Variants in DISC1 observed in about 807,000 individuals in gnomAD.
DISC1 encodes DISC1 scaffold protein.
A neutral mutation model predicts 84.5 loss-of-function variants in DISC1; 57 were observed. The observed-to-expected ratio is 0.67, with a 90% CI of 0.55 to 0.84. DISC1 has a LOEUF of 0.84. Among genes scored for constraint, DISC1 ranks in the 40% least tolerant of loss-of-function variants. DISC1 has a pLI of 0.00. For missense variants in DISC1, 1,000 were observed against 1,057.8 expected (o/e 0.95, Z 0.76); for synonymous variants, 411 against 415.2 (o/e 0.99, Z 0.12).
chr1:231,871,338 C>T (rs1212911316), intron 9 of DISC1, among the ~76,000 whole-genome samples: 1 of 152,170 alleles, frequency 6.6e-6, no homozygotes, highest in African/African-American at 2.4e-5. Context: ...GAAGGGGACC[C>T]ACTCTGGGCA....
chr1:231,762,185 TTTTC>T (rs576561004), intron 4 of DISC1, among the ~76,000 whole-genome samples: 44,350 of 100,310 alleles, frequency 0.44, 7,742 homozygotes, highest in Middle Eastern at 0.5. Flanking sequence ...TCCTTCCTTC[TTTTC>T]TTTCTTTTCT....
chr1:231,915,002 G>A lies in DISC1; in HGVS notation c.1982-43826G>A, dbSNP rs202047947. Among the ~76,000 whole-genome samples, 22 of 152,300 alleles carry A rather than the reference G, an allele frequency of 1.4e-4. 1 individual carries two copies. Among genetic ancestry groups the A allele is most frequent in the South Asian group, 4.1e-4 (2 of 4,828 alleles). On this transcript the variant is annotated intron_variant, in intron 9 of 12. Coordinates refer to ENST00000439617, the MANE Select transcript of DISC1 (RefSeq NM_018662.3). The stretch of plus-strand genomic sequence containing the variant: ...GAGTTGGTAGTTGAAAAGCATTTAT[G>A]TTCTTTCTAGTGAGGTTGTTTTGTT...
At chr1:231,947,879 A>T (rs1460872127) in intron 9 of DISC1, among the ~76,000 whole-genome samples, 2 of 152,258 alleles carry the variant, frequency 1.3e-5, no homozygotes, top group Non-Finnish European at 2.9e-5. Context: ...ACTGGTCACT[A>T]GAAAAATGCA....
At chr1:231,775,767 C>A (rs1252138142) in intron 6 of DISC1, among the ~76,000 whole-genome samples, 3 of 152,112 alleles carry the variant, frequency 2.0e-5, no homozygotes, top group African/African-American at 7.2e-5. Flanking sequence ...AAAACAAGTG[C>A]CTTGTTTTCT....
At chr1:231,688,390 T>A (rs1005715174) in intron 1 of DISC1, among the ~76,000 whole-genome samples, 7 of 152,224 alleles carry the variant, frequency 4.6e-5, no homozygotes, top group Admixed American at 2.6e-4. Context: ...ACTGACTAAC[T>A]CACAAAATGC....
At chr1:231,928,644 A>C (rs1366203073) in intron 9 of DISC1, among the ~76,000 whole-genome samples, 1 of 151,784 alleles carries the variant, frequency 6.6e-6, no homozygotes, top group Non-Finnish European at 1.5e-5. Context: ...TTTTATTTTG[A>C]TGTTAGGGTG....
At chr1:231,832,328 G>T (rs1458120643) in intron 9 of DISC1, among the ~76,000 whole-genome samples, 4 of 151,424 alleles carry the variant, frequency 2.6e-5, no homozygotes, top group African/African-American at 4.9e-5. Context: ...AAACAGTAAG[G>T]TCAAGTTGTT....
chr1:232,026,122 A>G (rs1367587730), intron 11 of DISC1, among the ~76,000 whole-genome samples: 3 of 152,118 alleles, frequency 2.0e-5, no homozygotes, highest in Admixed American at 6.5e-5. Context: ...GAATTTGCCC[A>G]TTGATACAGC....
chr1:231,919,464 G>A (rs200988411), intron 9 of DISC1, among the ~76,000 whole-genome samples: 9 of 152,170 alleles, frequency 5.9e-5, no homozygotes, highest in African/African-American at 2.2e-4. Flanking sequence ...TCCCAGGCAC[G>A]CTGGCTTTCC....
At chr1:231,638,820 G>T (rs1341428742) in intron 1 of DISC1, among the ~76,000 whole-genome samples, 3 of 152,130 alleles carry the variant, frequency 2.0e-5, no homozygotes, top group Non-Finnish European at 4.4e-5. Context: ...GACTGCCTTT[G>T]ATTAAAATGA....
chr1:231,893,766 A>G (rs955824200), intron 9 of DISC1, among the ~76,000 whole-genome samples: 1 of 152,208 alleles, frequency 6.6e-6, no homozygotes, highest in African/African-American at 2.4e-5. Flanking sequence ...GGCAAATGCA[A>G]GTCACCTGGT....
Position 231,989,001 on chromosome 1 carries a change from C to T in DISC1, c.2043-19784C>T, listed in dbSNP as rs771398001. 1.4e-4 allele frequency among the ~76,000 whole-genome samples: 21 copies of T among 152,316 alleles called. No homozygotes were observed. In the Middle Eastern group the frequency reaches 0.02, roughly 148 times the overall value. ...CAGACCTTGTCTATGTAAGCAGCACCAGCCTCTGGGGTGTCCCATGTCAGC... is the reference window on the plus strand; with the variant it reads ...CAGACCTTGTCTATGTAAGCAGCACTAGCCTCTGGGGTGTCCCATGTCAGC... On this transcript the variant is annotated intron_variant, in intron 10 of 12. Coordinates refer to ENST00000439617, the MANE Select transcript of DISC1 (RefSeq NM_018662.3).
intron 10 of DISC1, among the ~76,000 whole-genome samples, chr1:231,995,325 C>A (rs1291663422): frequency 6.6e-6 from 1 of 151,326 alleles, no homozygotes; most frequent in South Asian, 2.1e-4. Context: ...TTCTTTTTTT[C>A]TTTTTTTATT....
At chr1:231,836,816 G>T (rs1056919400) in intron 9 of DISC1, among the ~76,000 whole-genome samples, 2 of 148,892 alleles carry the variant, frequency 1.3e-5, no homozygotes, top group African/African-American at 4.9e-5. Flanking sequence ...GCTAAGCCCC[G>T]CCCCGCCCCT....
intron 10 of DISC1, among the ~76,000 whole-genome samples, chr1:231,988,804 C>G (rs1318732063): frequency 1.3e-5 from 2 of 152,230 alleles, no homozygotes; most frequent in African/African-American, 4.8e-5. Flanking sequence ...TACCTACACA[C>G]ACAATTTGTA....
At chr1:231,957,295 C>T (rs933627944) in intron 9 of DISC1, among the ~76,000 whole-genome samples, 24 of 152,312 alleles carry the variant, frequency 1.6e-4, no homozygotes, top group Admixed American at 9.1e-4. Context: ...TCCCTCCCTC[C>T]GCAAACTTTT....
intron 1 of DISC1, among the ~76,000 whole-genome samples, chr1:231,647,385 G>A (rs1161069328): frequency 3.3e-5 from 5 of 152,100 alleles, no homozygotes; most frequent in African/African-American, 1.2e-4. Flanking sequence ...GATGTGTGGT[G>A]TTATTTCTGA....
intron 11 of DISC1, among the ~76,000 whole-genome samples, chr1:232,016,199 A>T (rs1668478337): frequency 6.6e-6 from 1 of 152,228 alleles, no homozygotes; most frequent in Non-Finnish European, 1.5e-5. Flanking sequence ...ACAGTGAAAC[A>T]CTTAGAGTTC....
At chr1:232,005,595 T>G (rs1055446790) in intron 10 of DISC1, among the ~76,000 whole-genome samples, 3 of 152,228 alleles carry the variant, frequency 2.0e-5, no homozygotes, top group Admixed American at 2.0e-4. Flanking sequence ...TGTCAATACA[T>G]GATATTCTTA....
Sources: allele counts gnomAD v4.1 joint callset (sites outside exome capture counted in the v4.1 genomes callset), GRCh38; gene constraint gnomAD v4.1.1; transcripts MANE v1.5; gene names NCBI Gene and HGNC (gene_info 2026-07-23, HGNC 2026-07-21).